The following ESCO1 variants were observed in gnomAD, a reference collection of about 807,000 sequenced individuals.
ESCO1 encodes establishment of sister chromatid cohesion N-acetyltransferase 1.
Under a neutral mutation model 83.5 loss-of-function variants are expected in ESCO1, and 33 were observed. The ratio of observed to expected loss-of-function variants is 0.40; its 90% confidence interval spans 0.30 to 0.53. ESCO1 has a LOEUF of 0.53. Ranked by LOEUF, ESCO1 falls within the 20% of genes least tolerant of loss-of-function variation. The pLI, the probability that ESCO1 is intolerant of heterozygous loss-of-function variation, is 0.63. For missense variants in ESCO1, 855 were observed against 968.0 expected, an observed-to-expected ratio of 0.88 and a Z score of 1.55; for synonymous variants, 332 against 324.3, an observed-to-expected ratio of 1.02 and a Z score of -0.25.
At chr18:21,579,789 C>CGCGT (rs1162502723) in intron 2 of ESCO1, among the ~76,000 whole-genome samples, 2 of 42,778 alleles carry the variant, frequency 4.7e-5, no homozygotes, top group Admixed American at 2.0e-4. Context: ...CACACACGCG[C>CGCGT]GCGCGCACAC....
intron 8 of ESCO1, among the ~76,000 whole-genome samples, chr18:21,547,011 C>T (rs922915708): frequency 1.3e-5 from 2 of 152,164 alleles, no homozygotes; most frequent in Non-Finnish European, 2.9e-5. Flanking sequence ...ACATACTGCT[C>T]TCTTGGCCTG....
At chr18:21,577,684 T>TA (rs1421718844) in intron 2 of ESCO1, among the ~76,000 whole-genome samples, 2 of 146,398 alleles carry the variant, frequency 1.4e-5, no homozygotes, top group Non-Finnish European at 3.0e-5. Flanking sequence ...AAAAAGCAGA[T>TA]ATTCTCCCAG....
At chr18:21,560,325 A>ATTT (rs36024258) in intron 8 of ESCO1, among the ~76,000 whole-genome samples, 114 of 143,002 alleles carry the variant, frequency 8.0e-4, no homozygotes, top group South Asian at 1.5e-3. Context: ...CTCTGTGGGA[A>ATTT]TTTTTTTTTT....
chr18:21,567,705 C>T (rs1000262727), intron 5 of ESCO1, among the ~76,000 whole-genome samples: 2 of 152,144 alleles, frequency 1.3e-5, no homozygotes, highest in African/African-American at 2.4e-5. Flanking sequence ...ATTAAGAACA[C>T]TTCTCAAGAA....
intron 1 of ESCO1, among the ~76,000 whole-genome samples, chr18:21,592,280 G>A (rs2038682673): frequency 1.3e-5 from 2 of 151,612 alleles, no homozygotes; most frequent in South Asian, 4.2e-4. Context: ...CCTGGACGGG[G>A]CAGCTGGCCG....
intron 1 of ESCO1, among the ~76,000 whole-genome samples, chr18:21,588,824 G>C (rs1177251884): frequency 6.6e-6 from 1 of 152,154 alleles, no homozygotes; most frequent in Non-Finnish European, 1.5e-5. Flanking sequence ...GCTGAGGCGG[G>C]AGACTGCAGT....
chr18:21,573,326 T>C lies in ESCO1; in HGVS notation c.1518A>G (p.Ser506=). 6.4e-7 allele frequency: 1 copy of C among 1,572,372 alleles called. No individual in the cohort carries two copies. The highest frequency in any genetic ancestry group is 8.6e-7 in the Non-Finnish European group (1 of 1,167,490). The change falls in exon 4 of 12, where the codon TCA becomes TCG. Residue 506 remains serine, a synonymous_variant. Coordinates refer to ENST00000269214, the MANE Select transcript of ESCO1 (RefSeq NM_052911.3). Reference sequence around the variant, plus strand: ...AAAAACAGATTACCTTATTTGATGCTGAATCAAAAGAATGTTTCATCTGAT... The same window carrying C: ...AAAAACAGATTACCTTATTTGATGCCGAATCAAAAGAATGTTTCATCTGAT... ...LDNQMKHSFD[S]ASNKNFSQCL... is the part of the protein sequence containing the mutation.
At chr18:21,551,461 C>T (rs2038047214) in intron 8 of ESCO1, among the ~76,000 whole-genome samples, 1 of 152,130 alleles carries the variant, frequency 6.6e-6, no homozygotes, top group African/African-American at 2.4e-5. Context: ...AACTCAATGT[C>T]TAAATGAACT....
At chr18:21,561,130 T>C in intron 7 of ESCO1, 140 bp from the exon 8 acceptor site, 1 of 815,712 alleles carries the variant, frequency 1.2e-6, no homozygotes, top group South Asian at 3.7e-5. Flanking sequence ...TTACTAAAAA[T>C]AACACGTTAA....
intron 1 of ESCO1, among the ~76,000 whole-genome samples, chr18:21,599,070 A>C (rs2146244177): frequency 6.6e-6 from 1 of 152,112 alleles, no homozygotes; most frequent in Non-Finnish European, 1.5e-5. Context: ...CACCAGGCAC[A>C]GTGGCTCAGG....
At chr18:21,548,077 G>A (rs2037996777) in intron 8 of ESCO1, among the ~76,000 whole-genome samples, 1 of 152,100 alleles carries the variant, frequency 6.6e-6, no homozygotes, top group South Asian at 2.1e-4. Flanking sequence ...ACTCCAGCCA[G>A]GCCAACAGAG....
intron 8 of ESCO1, chr18:21,540,519 T>C (rs750628776): frequency 1.3e-4 from 158 of 1,246,328 alleles, no homozygotes; most frequent in Non-Finnish European, 1.6e-4. Flanking sequence ...AATAGTCTTA[T>C]GCTTATTGAT....
intron 8 of ESCO1, among the ~76,000 whole-genome samples, chr18:21,554,935 A>T (rs558057200): frequency 4.6e-5 from 7 of 151,982 alleles, no homozygotes; most frequent in Non-Finnish European, 8.8e-5. Flanking sequence ...AATAAAATAA[A>T]AAATAAAAAA....
chr18:21,547,497 T>C (rs914847176), intron 8 of ESCO1, among the ~76,000 whole-genome samples: 23 of 152,226 alleles, frequency 1.5e-4, no homozygotes, highest in Middle Eastern at 3.4e-3. Context: ...ATCTTATAAA[T>C]CTAATAGGAG....
chr18:21,595,386 A>G (rs62090769), intron 1 of ESCO1, among the ~76,000 whole-genome samples: 177 of 95,540 alleles, frequency 1.9e-3, no homozygotes, highest in Non-Finnish European at 2.8e-3. Context: ...AAAAAAAAAA[A>G]GGGGCCGGCG....
chr18:21,551,615 G>T (rs1236612858), intron 8 of ESCO1, among the ~76,000 whole-genome samples: 1 of 152,138 alleles, frequency 6.6e-6, no homozygotes, highest in African/African-American at 2.4e-5. Context: ...TCTCTTGCTG[G>T]AACAAAGAGA....
intron 5 of ESCO1, among the ~76,000 whole-genome samples, chr18:21,566,622 A>G (rs946454705): frequency 5.9e-5 from 9 of 152,228 alleles, no homozygotes; most frequent in Non-Finnish European, 1.0e-4. Flanking sequence ...GCACTTTGGG[A>G]GGGCAAGGCA....
At chr18:21,590,839 T>A (rs943987894) in intron 1 of ESCO1, among the ~76,000 whole-genome samples, 3 of 151,490 alleles carry the variant, frequency 2.0e-5, no homozygotes, top group African/African-American at 7.3e-5. Context: ...TCCCAGCTAC[T>A]CAGGAGGCTG....
chr18:21,574,748 T>C lies in ESCO1; in HGVS notation c.96A>G (p.Gln32=). 1 of 1,609,472 alleles carries C rather than the reference T, an allele frequency of 6.2e-7. No individual in the cohort carries two copies. Among genetic ancestry groups the C allele is most frequent in the Non-Finnish European group, 8.5e-7 (1 of 1,179,838 alleles). ...GACCTGATTTTTTTGCTAGATTCTT[T>C]TGAGAATCCTGAATTTCTGTTTCTG... The part of the protein sequence containing the change: ...KNSETEIQDS[Q]KNLAKKSGPK... Residue 32 remains glutamine, a synonymous_variant, in exon 4 of 12, where the codon CAA becomes CAG. Coordinates refer to ENST00000269214, the MANE Select transcript of ESCO1 (RefSeq NM_052911.3).
Sources: gnomAD v4.1 joint callset for allele counts (sites outside exome capture counted in the v4.1 genomes callset) on GRCh38, gnomAD v4.1.1 for gene constraint, MANE v1.5 for transcripts, NCBI Gene and HGNC (gene_info 2026-07-23, HGNC 2026-07-21) for gene names.